Variants in MLIP observed in about 807,000 individuals in gnomAD.
MLIP encodes the protein muscular LMNA interacting protein, also known as muscular LMNA-interacting protein.
A neutral mutation model predicts 84.8 loss-of-function variants in MLIP; 79 were observed. The observed-to-expected ratio is 0.93, with a 90% CI of 0.78 to 1.12. MLIP has a LOEUF of 1.12. Among genes scored for constraint, MLIP ranks in the 50% most tolerant of loss-of-function variants. The pLI is 0.00. For synonymous variants in MLIP, 504 were observed against 463.0 expected (o/e 1.09, Z -1.14); for missense variants, 1,257 against 1,160.6 (o/e 1.08, Z -1.21).
intron 11 of MLIP, among the ~76,000 whole-genome samples, chr6:54,208,337 G>C (rs774425617): frequency 6.6e-6 from 1 of 152,162 alleles, no homozygotes; most frequent in Non-Finnish European, 1.5e-5. Context: ...TGTAATCCCA[G>C]CTCTTTGGGA....
intron 11 of MLIP, among the ~76,000 whole-genome samples, chr6:54,219,206 AAAAAAATAAAAAT>A (rs1169417475): frequency 1.6e-4 from 25 of 151,880 alleles, no homozygotes; most frequent in Middle Eastern, 3.4e-3. Flanking sequence ...CTCCGTCTCA[AAAAAAATAAAAAT>A]AAAAAATAAA....
chr6:54,023,150 G>C (rs1423996134), intron 1 of MLIP, among the ~76,000 whole-genome samples: 1 of 146,020 alleles, frequency 6.8e-6, no homozygotes. Context: ...CTGGGCGACA[G>C]AGCGAGACTC....
chr6:54,080,939 T>C (rs1042909806), intron 1 of MLIP, among the ~76,000 whole-genome samples: 2 of 152,148 alleles, frequency 1.3e-5, no homozygotes, highest in South Asian at 2.1e-4. Context: ...TCCTCTTTCA[T>C]GTCCCCTTCC....
intron 1 of MLIP, among the ~76,000 whole-genome samples, chr6:54,105,292 G>A (rs988250762): frequency 6.6e-6 from 1 of 152,126 alleles, no homozygotes; most frequent in Non-Finnish European, 1.5e-5. Flanking sequence ...GTATACGTTT[G>A]ACTCTTTGTA....
intron 1 of MLIP, among the ~76,000 whole-genome samples, chr6:54,090,500 T>C (rs1229000433): frequency 6.6e-6 from 1 of 152,190 alleles, no homozygotes; most frequent in South Asian, 2.1e-4. Context: ...ACAACTTCCC[T>C]TTGTTATTCA....
intron 11 of MLIP, among the ~76,000 whole-genome samples, chr6:54,229,420 T>C (rs1255491068): frequency 1.3e-5 from 2 of 152,216 alleles, no homozygotes; most frequent in Non-Finnish European, 2.9e-5. Context: ...GTTTATTACA[T>C]AGGTAAACGT....
intron 12 of MLIP, among the ~76,000 whole-genome samples, chr6:54,242,806 T>G (rs1781824734): frequency 6.6e-6 from 1 of 152,106 alleles, no homozygotes; most frequent in Non-Finnish European, 1.5e-5. Context: ...ATTAGAAAAA[T>G]GAACATTAAG....
intron 1 of MLIP, among the ~76,000 whole-genome samples, chr6:54,104,241 A>C (rs1221486275): frequency 6.6e-6 from 1 of 152,170 alleles, no homozygotes; most frequent in Non-Finnish European, 1.5e-5. Context: ...TATTATAAGT[A>C]AATATTACAT....
intron 1 of MLIP, among the ~76,000 whole-genome samples, chr6:54,040,120 T>A (rs1304783255): frequency 6.6e-6 from 1 of 152,006 alleles, no homozygotes; most frequent in Admixed American, 6.6e-5. Flanking sequence ...ACCTTCTTCA[T>A]TAGTAATTCA....
rs567105170 is a variant in MLIP, at chr6:54,147,685, G to A, written c.2218-1371G>A. 1.2e-4 allele frequency among the ~76,000 whole-genome samples: 18 copies of A among 152,188 alleles called. No individual in the cohort carries two copies. The South Asian group carries it at 1.5e-3, about 12-fold the overall frequency. The stretch of plus-strand genomic sequence containing the variant: ...CTCTTGTGCACGTTTTGCTGAGTGC[G>A]TGTTTCTGAATGATTGTGTGTGTGT... On this transcript the variant is annotated intron_variant, in intron 4 of 13. Transcript: ENST00000502396.
At position 54,124,931 on chromosome 6, in the gene MLIP, G is replaced by A. The variant is rs138875104; in HGVS notation, c.645+66G>A. 8.6e-4 allele frequency: 1,216 copies of A among 1,413,456 alleles called. 12 individuals carry two copies. The African/African-American group carries it at 0.015, about 17-fold the overall frequency. The allele number at this position is 1,413,456 out of a possible 1,614,324, so 87.6% of individuals were successfully genotyped here. A position where few individuals can be genotyped will look rare whatever the true frequency, so the allele number is the denominator to read the frequency against. On this transcript the variant is annotated intron_variant, in intron 3 of 13. Transcript: ENST00000502396. ...CGTTTATGCACCCTTTGTCTTGGGC[G>A]GTCTGCAAAGGCCATCCTGTTTAAG...
intron 1 of MLIP, among the ~76,000 whole-genome samples, chr6:54,098,589 C>T (rs1246623447): frequency 6.6e-6 from 1 of 151,822 alleles, no homozygotes; most frequent in Non-Finnish European, 1.5e-5. Flanking sequence ...ATTTACAACA[C>T]CGAAGTTCAG....
In MLIP at chr6:54,160,592, T is replaced by A; in HGVS notation, c.2432T>A (p.Leu811Ter). 6.2e-7 allele frequency: 1 copy of A among 1,610,044 alleles called. No individual in the cohort carries two copies. Among genetic ancestry groups the A allele is most frequent in the South Asian group, 1.1e-5 (1 of 90,882 alleles). ...ATIDKVLQDS[L>*]SMHSSDSPSR... ...ATTGATAAGGTCTTACAGGATTCCT[T>A]GTCTATGGTAATGCTTTAGACTAGA... The change falls in exon 7 of 14, where the codon TTG (leucine) becomes TAG (stop). Residue 811 changes from leucine to a stop codon, truncating the protein, a stop_gained. Transcript: ENST00000502396. LOFTEE classifies it high-confidence loss of function.
At chr6:54,207,409 A>AC (rs34566577) in intron 11 of MLIP, among the ~76,000 whole-genome samples, 8,625 of 98,426 alleles carry the variant, frequency 0.088, 693 homozygotes, top group Non-Finnish European at 0.13. Context: ...TCACCTCTGC[A>AC]CCCCCCCCCC....
chr6:54,196,095 A>T (rs373325139), intron 10 of MLIP, among the ~76,000 whole-genome samples: 3 of 152,196 alleles, frequency 2.0e-5, no homozygotes, highest in African/African-American at 7.2e-5. Context: ...TATCCCTCAA[A>T]GTTCCCTCTT....
intron 1 of MLIP, among the ~76,000 whole-genome samples, chr6:54,022,133 A>G (rs974502910): frequency 6.6e-6 from 1 of 152,132 alleles, no homozygotes; most frequent in African/African-American, 2.4e-5. Context: ...GGGAATTCTG[A>G]TTTTCCAAAA....
intron 5 of MLIP, among the ~76,000 whole-genome samples, chr6:54,149,464 TG>T (rs754115911): frequency 3.2e-4 from 49 of 152,178 alleles, no homozygotes; most frequent in Non-Finnish European, 6.0e-4. Flanking sequence ...CTTTCATATC[TG>T]TCCATATTGA....
At chr6:54,093,335 ATTCT>A (rs1303479184) in intron 1 of MLIP, among the ~76,000 whole-genome samples, 2 of 99,426 alleles carry the variant, frequency 2.0e-5, no homozygotes, top group South Asian at 3.4e-4. Context: ...ATTAAATTCT[ATTCT>A]ATTCTATTCT....
chr6:54,106,830 G>A (rs1443918873), upstream of MLIP, among the ~76,000 whole-genome samples: 2 of 152,178 alleles, frequency 1.3e-5, no homozygotes, highest in African/African-American at 2.4e-5. Context: ...AAGCCATCCA[G>A]TCTGGGGAAA....
Sources: gnomAD v4.1 joint callset for allele counts (sites outside exome capture counted in the v4.1 genomes callset) on GRCh38, gnomAD v4.1.1 for gene constraint, MANE v1.5 for transcripts, NCBI Gene and HGNC (gene_info 2026-07-23, HGNC 2026-07-21) for gene names.